CREB5: variants seen among roughly 807,000 people sequenced by gnomAD.
The protein encoded by CREB5 is cAMP responsive element binding protein 5, also known as cyclic AMP-responsive element-binding protein 5.
Under a neutral mutation model 57.1 loss-of-function variants are expected in CREB5, and 19 were observed. The observed-to-expected ratio is 0.33, with a 90% CI of 0.23 to 0.49. The LOEUF is 0.49. Ranked by LOEUF, CREB5 falls within the 20% of genes least tolerant of loss-of-function variation. The pLI, the probability that CREB5 is intolerant of heterozygous loss-of-function variation, is 0.99. For synonymous variants in CREB5, 238 were observed against 238.3 expected (o/e 1.00, Z 0.01); for missense variants, 579 against 671.6 (o/e 0.86, Z 1.52).
At chr7:28,414,898 CA>C (rs1273526814) in intron 1 of CREB5, among the ~76,000 whole-genome samples, 1 of 151,864 alleles carries the variant, frequency 6.6e-6, no homozygotes, top group African/African-American at 2.4e-5. Context: ...CTGGGACTGT[CA>C]CAGTAAAAGA....
At chr7:28,632,333 G>A (rs1039290627) in intron 5 of CREB5, among the ~76,000 whole-genome samples, 12 of 152,066 alleles carry the variant, frequency 7.9e-5, no homozygotes, top group African/African-American at 2.7e-4. Flanking sequence ...CAGCAATTTC[G>A]AAAAATTTCC....
chr7:28,436,166 G>A (rs1788953066), intron 1 of CREB5, among the ~76,000 whole-genome samples: 1 of 151,688 alleles, frequency 6.6e-6, no homozygotes, highest in Non-Finnish European at 1.5e-5. Context: ...AATTAAATGT[G>A]TGCATTCCTG....
At chr7:28,374,852 T>C (rs1394019206) in intron 1 of CREB5, among the ~76,000 whole-genome samples, 2 of 152,176 alleles carry the variant, frequency 1.3e-5, no homozygotes, top group Non-Finnish European at 2.9e-5. Context: ...TAGCCCTTGA[T>C]AGGAGGTCAC....
At chr7:28,566,099 A>G (rs1210226305) in intron 4 of CREB5, among the ~76,000 whole-genome samples, 1 of 152,038 alleles carries the variant, frequency 6.6e-6, no homozygotes, top group Admixed American at 6.5e-5. Context: ...TTATTTGTCA[A>G]TTTTCCCCCT....
At chr7:28,631,107 C>A (rs1798185228) in intron 5 of CREB5, among the ~76,000 whole-genome samples, 1 of 152,296 alleles carries the variant, frequency 6.6e-6, no homozygotes. Flanking sequence ...GGAAACTTTT[C>A]AATACCGACC....
At chr7:28,812,411 A>C (rs1809171822) in intron 9 of CREB5, among the ~76,000 whole-genome samples, 1 of 152,168 alleles carries the variant, frequency 6.6e-6, no homozygotes, top group African/African-American at 2.4e-5. Context: ...CAGAACATAC[A>C]AGGTAAATTT....
At chr7:28,818,886 A>G in intron 10 of CREB5, 1 of 591,120 alleles carries the variant, frequency 1.7e-6, no homozygotes, top group East Asian at 3.3e-5. Context: ...AAATCATTTT[A>G]CTGATACAGA....
At chr7:28,692,013 C>CAAAAAAAAAAA (rs10660459) in intron 5 of CREB5, among the ~76,000 whole-genome samples, 7 of 102,822 alleles carry the variant, frequency 6.8e-5, no homozygotes, top group Non-Finnish European at 1.3e-4. Flanking sequence ...TACTAAAATA[C>CAAAAAAAAAAA]AAAAAAAAAA....
At chr7:28,804,858 G>A (rs943572008) in intron 8 of CREB5, among the ~76,000 whole-genome samples, 9 of 152,216 alleles carry the variant, frequency 5.9e-5, no homozygotes, top group Admixed American at 5.9e-4. Flanking sequence ...TTAAGCTTGT[G>A]AAGAAAGATG....
intron 5 of CREB5, among the ~76,000 whole-genome samples, chr7:28,581,324 A>G (rs999663194): frequency 2.6e-5 from 4 of 152,328 alleles, no homozygotes; most frequent in Admixed American, 6.5e-5. Context: ...TAGGGATCTC[A>G]GAGAAAGTGT....
At chr7:28,378,800 C>T (rs1786899696) in intron 1 of CREB5, among the ~76,000 whole-genome samples, 1 of 152,244 alleles carries the variant, frequency 6.6e-6, no homozygotes, top group South Asian at 2.1e-4. Flanking sequence ...GTTCAACCAG[C>T]TACAAATCTA....
At chr7:28,657,290 A>G (rs1373336892) in intron 5 of CREB5, among the ~76,000 whole-genome samples, 1 of 152,168 alleles carries the variant, frequency 6.6e-6, no homozygotes, top group East Asian at 1.9e-4. Flanking sequence ...CCCTGTCAAG[A>G]CAGAAGGAAT....
intron 7 of CREB5, among the ~76,000 whole-genome samples, chr7:28,747,599 C>G (rs1295652123): frequency 6.6e-6 from 1 of 152,142 alleles, no homozygotes. Context: ...TAGACACACT[C>G]ATTCTTGAGC....
In CREB5 at chr7:28,674,209, G is replaced by A. The variant is rs149727936; in HGVS notation, c.465-44544G>A. Among the ~76,000 whole-genome samples, 3 of 152,156 alleles carry A rather than the reference G, an allele frequency of 2.0e-5. No individual in the cohort carries two copies. In the East Asian group the frequency reaches 5.8e-4, roughly 29 times the overall value. On this transcript the variant is annotated intron_variant, in intron 5 of 10. Transcript: ENST00000357727. Reference sequence around the variant, plus strand: ...CTTTCTTGATGTTTTCAACCATAGGGGAAAGGGATGGAGCGTTTGCAGGAA... The same window carrying A: ...CTTTCTTGATGTTTTCAACCATAGGAGAAAGGGATGGAGCGTTTGCAGGAA...
chr7:28,735,666 G>C (rs1018397279), intron 7 of CREB5, among the ~76,000 whole-genome samples: 1 of 152,206 alleles, frequency 6.6e-6, no homozygotes, highest in East Asian at 1.9e-4. Flanking sequence ...GCTCCCTGAG[G>C]GGGAGGGATC....
intron 7 of CREB5, among the ~76,000 whole-genome samples, chr7:28,731,487 A>G (rs1352398715): frequency 1.3e-5 from 2 of 152,192 alleles, no homozygotes; most frequent in Non-Finnish European, 2.9e-5. Context: ...CCAAAACAGG[A>G]AGGGAGTTCG....
intron 1 of CREB5, among the ~76,000 whole-genome samples, chr7:28,327,148 CAA>C (rs751999998): frequency 1.2e-4 from 8 of 69,202 alleles, no homozygotes; most frequent in Admixed American, 1.7e-4. Context: ...GACTCCATCT[CAA>C]AAAAAAAAAA....
intron 4 of CREB5, among the ~76,000 whole-genome samples, chr7:28,516,314 TAGAG>T (rs940544742): frequency 1.2e-4 from 18 of 152,186 alleles, no homozygotes; most frequent in Middle Eastern, 3.2e-3. Flanking sequence ...TGTTAAAAAT[TAGAG>T]AGATCGGTGT....
At chr7:28,394,924 T>C (rs1456472464) in intron 1 of CREB5, among the ~76,000 whole-genome samples, 1 of 152,236 alleles carries the variant, frequency 6.6e-6, no homozygotes, top group African/African-American at 2.4e-5. Context: ...CTTTTAGAAC[T>C]TCTTTGAATT....
Sources: allele counts gnomAD v4.1 joint callset (sites outside exome capture counted in the v4.1 genomes callset), GRCh38; gene constraint gnomAD v4.1.1; transcripts MANE v1.5; gene names NCBI Gene and HGNC (gene_info 2026-07-23, HGNC 2026-07-21).